Variants in SLC6A15 observed in about 807,000 individuals in gnomAD.
SLC6A15 encodes solute carrier family 6 member 15.
SLC6A15 carries 33 observed loss-of-function variants against 68.5 expected under a neutral mutation model. The observed-to-expected ratio is 0.48, with a 90% CI of 0.37 to 0.64. SLC6A15 has a LOEUF of 0.64. Ranked by LOEUF, SLC6A15 falls within the 30% of genes least tolerant of loss-of-function variation. The pLI, the probability that SLC6A15 is intolerant of heterozygous loss-of-function variation, is 0.00. For synonymous variants in SLC6A15, 347 were observed against 301.0 expected, an observed-to-expected ratio of 1.15 and a Z score of -1.58; for missense variants, 747 against 874.3, an observed-to-expected ratio of 0.85 and a Z score of 1.84.
At chr12:84,910,948 T>G (rs1160304071) in intron 1 of SLC6A15, among the ~76,000 whole-genome samples, 1 of 151,158 alleles carries the variant, frequency 6.6e-6, no homozygotes, top group East Asian at 1.9e-4. Flanking sequence ...TGTGTGTGTG[T>G]GTGTGTCTTT....
Position 84,885,773 on chromosome 12 carries a change from C to T in SLC6A15, c.447+138G>A, listed in dbSNP as rs1419519938. On this transcript the variant is annotated intron_variant, in intron 3 of 11. Transcript: ENST00000266682. ...AGCTATATTAATATTTATAGTTAAT[C>T]CATATGCCAGTAACGTTTTCTAAAA... 21 of 989,166 alleles carry T rather than the reference C, an allele frequency of 2.1e-5. No homozygotes were observed. The East Asian group carries it at 5.5e-4, about 26-fold the overall frequency. 61.3% of individuals were successfully genotyped at this position (989,166 alleles called of 1,614,324 possible). A position where few individuals can be genotyped will look rare whatever the true frequency, so the allele number is the denominator to read the frequency against.
rs1592589194 is a variant in SLC6A15 at position 84,861,926 on chromosome 12, G to A, written c.1899C>T (p.Val633=). 6.2e-7 allele frequency: 1 copy of A among 1,613,904 alleles called. No individual in the cohort carries two copies. Among genetic ancestry groups the A allele is most frequent in the East Asian group, 2.2e-5 (1 of 44,872 alleles). ...AGCGACGAACAATGAAAACTACAGG[G>A]ACTGGGAGTATTGCAAAGACAACCA... The part of the protein sequence containing the change: ...VSLVVFAILP[V]PVVFIVRRFN... Residue 633 remains valine, a synonymous_variant, in exon 12 of 12, where the codon GTC becomes GTT. Coordinates refer to ENST00000266682, the MANE Select transcript of SLC6A15 (RefSeq NM_182767.6).
chr12:84,884,996 TATA>T (rs1164851263), intron 4 of SLC6A15, among the ~76,000 whole-genome samples: 1 of 151,922 alleles, frequency 6.6e-6, no homozygotes, highest in East Asian at 1.9e-4. Context: ...GACTGCTCTT[TATA>T]ATATTTATAT....
chr12:84,895,820 G>A (rs891161282), intron 1 of SLC6A15, among the ~76,000 whole-genome samples: 1 of 152,116 alleles, frequency 6.6e-6, no homozygotes, highest in Non-Finnish European at 1.5e-5. Context: ...ATTTTTAAGA[G>A]TAACTTTCTT....
rs781081284 is a variant in SLC6A15 at position 84,876,615 on chromosome 12, GAAATAA to G, written c.757-14_757-9del. The G allele has an allele frequency of 4.1e-5, 56 of 1,374,074 alleles. No homozygotes were observed. In the Middle Eastern group the frequency reaches 5.8e-4, roughly 14 times the overall value. The allele number at this position is 1,374,074 out of a possible 1,614,324, so 85.1% of individuals were successfully genotyped here. ...AGAACTAAAATATATGATCTGCAAA[GAAATAA>G]AAATAAAAATAAGTGAGATACAATG... On this transcript the variant is annotated splice_polypyrimidine_tract_variant and intron_variant, in intron 5 of 11. Coordinates refer to ENST00000266682, the MANE Select transcript of SLC6A15 (RefSeq NM_182767.6).
intron 1 of SLC6A15, among the ~76,000 whole-genome samples, chr12:84,904,412 A>G (rs760321990): frequency 3.3e-5 from 5 of 152,198 alleles, no homozygotes; most frequent in Non-Finnish European, 7.4e-5. Flanking sequence ...TTAAAAAGTC[A>G]TTATTTTAAG....
chr12:84,865,728 A>G (rs753475775), intron 10 of SLC6A15, among the ~76,000 whole-genome samples: 1 of 152,156 alleles, frequency 6.6e-6, no homozygotes, highest in Non-Finnish European at 1.5e-5. Flanking sequence ...ACCTTTTCAT[A>G]TGTGACTTTT....
At chr12:84,911,990 G>C (rs1873489326) in intron 1 of SLC6A15, 2 of 152,150 alleles carry the variant, frequency 1.3e-5, no homozygotes, top group South Asian at 2.1e-4. Flanking sequence ...CTCGGTAGTC[G>C]CCTTCTGCCT....
chr12:84,867,272 T>C, intron 9 of SLC6A15, 79 bp from the exon 10 acceptor site: 4 of 1,220,522 alleles, frequency 3.3e-6, no homozygotes, highest in Non-Finnish European at 3.3e-6. Flanking sequence ...ATTATTATAT[T>C]CAAACTTTTA....
chr12:84,873,510 T>C (rs999600391), intron 6 of SLC6A15, among the ~76,000 whole-genome samples, 182 bp from the exon 7 acceptor site: 9 of 152,202 alleles, frequency 5.9e-5, no homozygotes, highest in African/African-American at 2.2e-4. Flanking sequence ...TAATTATGAG[T>C]AAGAAAGTTG....
intron 1 of SLC6A15, among the ~76,000 whole-genome samples, chr12:84,892,743 C>T (rs957241306): frequency 5.3e-5 from 8 of 152,094 alleles, no homozygotes; most frequent in Non-Finnish European, 8.8e-5. Flanking sequence ...TTCAAACATT[C>T]GTCATTCACT....
At chr12:84,882,610 A>G (rs1184389339) in intron 5 of SLC6A15, 4 of 313,276 alleles carry the variant, frequency 1.3e-5, no homozygotes, top group Non-Finnish European at 1.9e-5. Flanking sequence ...GAGACATTAT[A>G]GTGTTGCAGT....
At chr12:84,868,019 A>G (rs1426396699) in intron 9 of SLC6A15, among the ~76,000 whole-genome samples, 1 of 152,134 alleles carries the variant, frequency 6.6e-6, no homozygotes, top group Non-Finnish European at 1.5e-5. Context: ...CCATTTCTCA[A>G]CCACATTTCG....
chr12:84,891,756 C>T (rs1872405867), intron 2 of SLC6A15, 76 bp downstream of exon 2: 1 of 1,363,194 alleles, frequency 7.3e-7, no homozygotes, highest in African/African-American at 1.5e-5. Context: ...TAATGAGAAA[C>T]AGCAATAATA....
chr12:84,907,039 T>C (rs1873192966), intron 1 of SLC6A15, among the ~76,000 whole-genome samples: 1 of 151,794 alleles, frequency 6.6e-6, no homozygotes, highest in African/African-American at 2.4e-5. Context: ...GTGTTTAGGA[T>C]ATATAAAGAA....
At chr12:84,881,859 C>G in intron 5 of SLC6A15, 1 of 985,298 alleles carries the variant, frequency 1.0e-6, no homozygotes, top group Non-Finnish European at 1.2e-6. Context: ...GGAATTGTGA[C>G]AATTTTGGCT....
chr12:84,876,510 A>G lies in SLC6A15; in HGVS notation c.854T>C (p.Met285Thr). 3 of 1,575,276 alleles carry G rather than the reference A, an allele frequency of 1.9e-6. No individual in the cohort carries two copies. Residue 285 changes from methionine (M) to threonine (T), a missense_variant, in exon 6 of 12, where the codon ATG becomes ACG. Physicochemically the swap from Met to Thr is moderately conservative, Grantham distance 81 (BLOSUM62 -1). Transcript: ENST00000266682. ...LNGSIDGIRH[M>T]FTPKLEIMLE... The stretch of plus-strand genomic sequence containing the variant: ...TATGGTACATACCTTAGGGGTAAAC[A>G]TGTGGCGAATGCCATCAATTGAACC...
intron 5 of SLC6A15, chr12:84,882,824 A>G (rs911742823): frequency 1.2e-5 from 3 of 243,564 alleles, no homozygotes; most frequent in Non-Finnish European, 2.0e-5. Flanking sequence ...TAGTTATCAC[A>G]GTACCCAAAG....
chr12:84,903,241 A>G (rs1872970060), intron 1 of SLC6A15, among the ~76,000 whole-genome samples: 1 of 152,172 alleles, frequency 6.6e-6, no homozygotes, highest in Non-Finnish European at 1.5e-5. Flanking sequence ...GAAGTAGACA[A>G]AAAGTTTTTA....
Sources: allele counts gnomAD v4.1 joint callset (sites outside exome capture counted in the v4.1 genomes callset), GRCh38; gene constraint gnomAD v4.1.1; transcripts MANE v1.5; gene names NCBI Gene and HGNC (gene_info 2026-07-23, HGNC 2026-07-21).